ZNF385D: variants seen among roughly 807,000 people sequenced by gnomAD.
The protein encoded by ZNF385D is zinc finger protein 385D.
A neutral mutation model predicts 35.8 loss-of-function variants in ZNF385D; 15 were observed. The ratio of observed to expected loss-of-function variants is 0.42; its 90% CI spans 0.28 to 0.64. ZNF385D has a LOEUF of 0.64. ZNF385D is among the 30% of genes least tolerant of loss of function. The pLI, the probability that ZNF385D is intolerant of heterozygous loss-of-function variation, is 0.23. For missense variants in ZNF385D, 474 were observed against 494.6 expected (o/e 0.96, Z 0.39); for synonymous variants, 212 against 186.8 (o/e 1.13, Z -1.10).
intron 3 of ZNF385D, among the ~76,000 whole-genome samples, chr3:22,114,707 C>T (rs1054182131): frequency 2.0e-5 from 3 of 152,004 alleles, no homozygotes; most frequent in Non-Finnish European, 2.9e-5. Flanking sequence ...TTTCTACTAA[C>T]TTTGAATAGT....
rs780513923 is a variant in ZNF385D at position 22,214,969 on chromosome 3, C to T, written c.107-45934G>A. On this transcript the variant is annotated intron_variant, in intron 2 of 5. Coordinates refer to the ZNF385D transcript ENST00000494108. ...TGACTAATAAAACTTGCTGGTTTTACGGCTCAGGGGGCATCACGGAACCTG... is the reference window on the plus strand; with the variant it reads ...TGACTAATAAAACTTGCTGGTTTTATGGCTCAGGGGGCATCACGGAACCTG... Among the ~76,000 whole-genome samples the T allele has an allele frequency of 1.5e-4, 23 of 152,060 alleles. No individual in the cohort carries two copies. The East Asian group carries it at 1.6e-3, about 10-fold the overall frequency.
At chr3:22,212,089 C>CT (rs1697559900) in intron 2 of ZNF385D, among the ~76,000 whole-genome samples, 1 of 151,888 alleles carries the variant, frequency 6.6e-6, no homozygotes, top group Non-Finnish European at 1.5e-5. Context: ...GTATGTTTAG[C>CT]TTTTTTCTTC....
At chr3:22,133,432 G>C (rs922659507) in intron 3 of ZNF385D, 2 of 151,700 alleles carry the variant, frequency 1.3e-5, no homozygotes, top group African/African-American at 2.4e-5. Flanking sequence ...AGAGGAGGGA[G>C]AGAGAAAGGT....
At chr3:22,007,375 T>C (rs1369345194) in intron 3 of ZNF385D, among the ~76,000 whole-genome samples, 1 of 152,218 alleles carries the variant, frequency 6.6e-6, no homozygotes, top group Non-Finnish European at 1.5e-5. Flanking sequence ...ACCATACCAT[T>C]CAAATCAGAC....
In ZNF385D at chr3:21,982,971, G is replaced by A. The variant is rs150920371; in HGVS notation, c.325+185846C>T. On this transcript the variant is annotated intron_variant, in intron 3 of 5. Transcript: ENST00000494108. ...GATCATAGCGGATTAGCTTTCTGATGTGCTGCTGAATTTGGTTTGCGAGTA... is the reference window on the plus strand; with the variant it reads ...GATCATAGCGGATTAGCTTTCTGATATGCTGCTGAATTTGGTTTGCGAGTA... Among the ~76,000 whole-genome samples the A allele has an allele frequency of 9.7e-3, 1,473 of 152,042 alleles. 29 individuals are homozygous for A. The highest frequency in any genetic ancestry group is 0.032 in the African/African-American group (1,340 of 41,478).
chr3:21,945,121 CGTGT>C (rs949717628), intron 3 of ZNF385D, among the ~76,000 whole-genome samples: 2 of 111,212 alleles, frequency 1.8e-5, no homozygotes, highest in African/African-American at 3.7e-5. Context: ...CATGTATATA[CGTGT>C]GTGTATATAT....
At chr3:21,982,623 G>A (rs545667165) in intron 3 of ZNF385D, among the ~76,000 whole-genome samples, 1 of 152,232 alleles carries the variant, frequency 6.6e-6, no homozygotes, top group African/African-American at 2.4e-5. Flanking sequence ...ATACTGTGTT[G>A]AACAAAAGTG....
intron 2 of ZNF385D, among the ~76,000 whole-genome samples, chr3:22,349,011 T>C (rs1488927974): frequency 1.3e-5 from 2 of 152,214 alleles, no homozygotes; most frequent in Non-Finnish European, 2.9e-5. Flanking sequence ...TGCTAATTGT[T>C]CTATTCATGA....
chr3:21,837,332 G>C (rs1192396870), intron 3 of ZNF385D, among the ~76,000 whole-genome samples: 1 of 152,066 alleles, frequency 6.6e-6, no homozygotes, highest in African/African-American at 2.4e-5. Flanking sequence ...TTGTCTGCAA[G>C]GTCCTTGTGC....
chr3:21,582,412 TATTTTTAATTCCCACCAA>T (rs1175225383), intron 2 of ZNF385D, among the ~76,000 whole-genome samples: 17 of 152,234 alleles, frequency 1.1e-4, no homozygotes, highest in African/African-American at 3.4e-4. Context: ...CAGAGTAGGC[TATTTTTAATTCCCACCAA>T]ATTGCTAAAG....
chr3:21,789,285 A>G (rs550705511), intron 3 of ZNF385D, among the ~76,000 whole-genome samples: 21 of 152,334 alleles, frequency 1.4e-4, no homozygotes, highest in African/African-American at 5.1e-4. Context: ...GCCTACAATG[A>G]TAAATCAACC....
rs913533595 is a variant in ZNF385D at position 21,502,251 on chromosome 3, G to A, written c.439+8610C>T. 2.0e-5 allele frequency among the ~76,000 whole-genome samples: 3 copies of A among 152,136 alleles called. No homozygotes were observed. The East Asian group carries it at 5.8e-4, about 29-fold the overall frequency. ...GGAGACTGTAAGTCAGCATCACACC[G>A]GGACAGACTTTGTCACAGGTTATTA... On this transcript the variant is annotated intron_variant, in intron 4 of 7. Coordinates refer to ENST00000281523, the MANE Select transcript of ZNF385D (RefSeq NM_024697.3).
In ZNF385D at chr3:21,683,159, C is replaced by G. The variant is rs1471736982; in HGVS notation, c.23-18131G>C. ...AATTGAAAACACTGAGGCCAGAGAA[C>G]ACAAATGATAAACCTAAAGTCCAGT... On this transcript the variant is annotated intron_variant, in intron 1 of 7. Coordinates refer to ENST00000281523, the MANE Select transcript of ZNF385D (RefSeq NM_024697.3). Among the ~76,000 whole-genome samples, 2 of 149,726 alleles carry G rather than the reference C, an allele frequency of 1.3e-5. 1 individual carries two copies. Among genetic ancestry groups the G allele is most frequent in the African/African-American group, 4.9e-5 (2 of 40,606 alleles).
At chr3:21,712,402 C>A (rs1471382902) in intron 1 of ZNF385D, among the ~76,000 whole-genome samples, 1 of 152,190 alleles carries the variant, frequency 6.6e-6, no homozygotes, top group Non-Finnish European at 1.5e-5. Context: ...GCTGATTGAA[C>A]TCACGGTCTC....
intron 3 of ZNF385D, among the ~76,000 whole-genome samples, chr3:22,156,477 G>C (rs1316833024): frequency 1.3e-5 from 2 of 152,062 alleles, no homozygotes; most frequent in South Asian, 2.1e-4. Flanking sequence ...GGTTTAGAGA[G>C]AGAGAGAACG....
At chr3:21,705,139 T>G (rs1462669928) in intron 1 of ZNF385D, among the ~76,000 whole-genome samples, 2 of 152,228 alleles carry the variant, frequency 1.3e-5, no homozygotes, top group African/African-American at 2.4e-5. Flanking sequence ...CATTTTAAAA[T>G]GTAGCAATGA....
intron 3 of ZNF385D, among the ~76,000 whole-genome samples, chr3:21,929,638 C>G (rs945097278): frequency 6.6e-6 from 1 of 151,800 alleles, no homozygotes; most frequent in Admixed American, 6.6e-5. Context: ...TATAAAAAAT[C>G]AATTGTATTT....
intron 3 of ZNF385D, among the ~76,000 whole-genome samples, chr3:21,902,762 G>A (rs1285823217): frequency 2.0e-5 from 3 of 152,130 alleles, no homozygotes; most frequent in African/African-American, 7.2e-5. Context: ...AGTGGGTGCA[G>A]CACACCAGCA....
intron 3 of ZNF385D, among the ~76,000 whole-genome samples, chr3:21,803,392 C>T (rs896946954): frequency 3.3e-5 from 5 of 152,092 alleles, no homozygotes; most frequent in African/African-American, 1.2e-4. Context: ...AGAAAATCAT[C>T]TGGACACCAT....
Sources: allele counts gnomAD v4.1 joint callset (sites outside exome capture counted in the v4.1 genomes callset), GRCh38; gene constraint gnomAD v4.1.1; transcripts MANE v1.5; gene names NCBI Gene and HGNC (gene_info 2026-07-23, HGNC 2026-07-21).